The following MROH7 variants were observed in gnomAD, a reference collection of about 807,000 sequenced individuals.
MROH7 encodes maestro heat like repeat family member 7.
A neutral mutation model predicts 129.2 loss-of-function variants in MROH7; 113 were observed. That is an observed-to-expected ratio of 0.87 (90% confidence interval 0.75 to 1.02). The LOEUF (loss-of-function observed/expected upper bound fraction) is 1.02, where lower values mean the gene tolerates loss of function less well. Ranked by LOEUF, MROH7 falls within the 50% of genes least tolerant of loss-of-function variation. The probability of loss-of-function intolerance (pLI) is 0.00; values close to 1 mark genes in which losing one functional copy is unlikely to be tolerated. For synonymous variants in MROH7, 655 were observed against 667.9 expected (o/e 0.98, Z 0.30); for missense variants, 1,601 against 1,671.3 (o/e 0.96, Z 0.73).
chr1:54,702,813 CTCT>C, intron 21 of MROH7, 68 bp downstream of exon 21: 1 of 1,512,988 alleles, frequency 6.6e-7, no homozygotes. Flanking sequence ...CTGTGTCTCT[CTCT>C]TCCTTCTTTT....
chr1:54,692,183 G>T (rs1238943916), intron 15 of MROH7, among the ~76,000 whole-genome samples: 2 of 152,202 alleles, frequency 1.3e-5, no homozygotes, highest in Non-Finnish European at 2.9e-5. Context: ...GAGAGAGGCT[G>T]GTCCCAGAGG....
In MROH7 at chr1:54,699,588, C is replaced by T. The variant is rs569739615; in HGVS notation, c.2965-733C>T. On this transcript the variant is annotated intron_variant, in intron 17 of 23. Transcript: ENST00000421030. ...AGCTGGGATTACAGGCATGAGCCAC[C>T]GTGCCCGGCCCAAGCCAAGATTCAT... The T allele has an allele frequency of 2.0e-3, 312 of 155,260 alleles. 1 individual carries two copies. Among genetic ancestry groups the T allele is most frequent in the Non-Finnish European group, 3.0e-3 (208 of 69,934 alleles). 9.6% of individuals were successfully genotyped at this position (155,260 alleles called of 1,614,324 possible).
intron 15 of MROH7, among the ~76,000 whole-genome samples, chr1:54,689,361 A>G (rs1037902342): frequency 6.6e-6 from 1 of 152,148 alleles, no homozygotes; most frequent in South Asian, 2.1e-4. Flanking sequence ...CCCTGCTGAC[A>G]CCTTAATTTT....
At chr1:54,659,417 G>A (rs1644698114) in intron 3 of MROH7, among the ~76,000 whole-genome samples, 1 of 150,844 alleles carries the variant, frequency 6.6e-6, no homozygotes, top group Admixed American at 6.6e-5. Context: ...TGAGTAGCTG[G>A]GATTACAGGT....
intron 4 of MROH7, among the ~76,000 whole-genome samples, chr1:54,668,027 A>C (rs1168861354): frequency 1.3e-5 from 2 of 152,234 alleles, no homozygotes; most frequent in African/African-American, 4.8e-5. Flanking sequence ...ATAGACTGAG[A>C]TCACTCAGTG....
At position 54,670,825 on chromosome 1, in the gene MROH7, C is replaced by A; in HGVS notation, c.1495C>A (p.Arg499=). ...LSHTQPTLGM[R]ERSELVNVCV... is the part of the protein sequence containing the mutation. ...CCACACCCAGCCCACCCTGGGCATGCGGGAGAGGTCGGAGCTGGTGAACGT... is the reference window on the plus strand; with the variant it reads ...CCACACCCAGCCCACCCTGGGCATGAGGGAGAGGTCGGAGCTGGTGAACGT... Residue 499 remains arginine, a synonymous_variant, in exon 7 of 24, where the codon CGG becomes AGG. Coordinates refer to ENST00000421030, the MANE Select transcript of MROH7 (RefSeq NM_001039464.4). 6.2e-7 allele frequency: 1 copy of A among 1,613,950 alleles called. No homozygotes were observed. Among genetic ancestry groups the A allele is most frequent in the East Asian group, 2.2e-5 (1 of 44,872 alleles).
chr1:54,695,989 C>A, intron 17 of MROH7: 1 of 235,656 alleles, frequency 4.2e-6, no homozygotes, highest in Non-Finnish European at 8.5e-6. Context: ...TGGGGAGGTG[C>A]TAGGGAGAGG....
intron 4 of MROH7, among the ~76,000 whole-genome samples, chr1:54,666,842 TGTG>T (rs1644822780): frequency 6.6e-6 from 1 of 152,190 alleles, no homozygotes; most frequent in Admixed American, 6.5e-5. Flanking sequence ...TCTGTTCAGA[TGTG>T]GTTACATTCT....
rs113229352 is a variant in MROH7, at chr1:54,661,999, G to T, written c.1232-3168G>T. Among the ~76,000 whole-genome samples, 981 of 149,748 alleles carry T rather than the reference G, an allele frequency of 6.6e-3. 18 individuals are homozygous for T. Among genetic ancestry groups the T allele is most frequent in the African/African-American group, 0.023 (922 of 40,794 alleles). The stretch of plus-strand genomic sequence containing the variant: ...TTTGGGAGGCCGAGGCAGGAATATT[G>T]CTTGAACCCAGGAGTTTGCAACCAG... On this transcript the variant is annotated intron_variant, in intron 3 of 23. Coordinates refer to ENST00000421030, the MANE Select transcript of MROH7 (RefSeq NM_001039464.4).
At chr1:54,692,339 G>A in intron 15 of MROH7, 85 bp from the exon 16 acceptor site, 2 of 1,552,556 alleles carry the variant, frequency 1.3e-6, no homozygotes, top group Non-Finnish European at 1.8e-6. Flanking sequence ...TGTCGGGCCA[G>A]ATGGCAGGAG....
At chr1:54,701,049 G>A in intron 18 of MROH7, 94 bp from the exon 19 acceptor site, 3 of 1,385,124 alleles carry the variant, frequency 2.2e-6, no homozygotes, top group Non-Finnish European at 3.0e-6. Context: ...TGGGGATTGG[G>A]CCACCAAGTT....
At position 54,679,935 on chromosome 1, in the gene MROH7, C is replaced by T. The variant is rs757670480; in HGVS notation, c.2271C>T (p.Ile757=). 6.2e-7 allele frequency: 1 copy of T among 1,613,718 alleles called. No individual in the cohort carries two copies. The highest frequency in any genetic ancestry group is 8.5e-7 in the Non-Finnish European group (1 of 1,179,946). The change falls in exon 13 of 24, where the codon ATC becomes ATT. Residue 757 remains isoleucine (I), a synonymous_variant. Transcript: ENST00000421030. ...MQGIYMQLSH[I]QEPRARQVAL... The stretch of plus-strand genomic sequence containing the variant: ...GCATCTACATGCAGCTGAGCCACAT[C>T]CAGGAGCCTCGGGCCCGCCAGGTGG...
intron 10 of MROH7, among the ~76,000 whole-genome samples, chr1:54,675,508 A>T (rs974726255): frequency 6.6e-6 from 1 of 151,896 alleles, no homozygotes; most frequent in African/African-American, 2.4e-5. Context: ...ACATCTCTGG[A>T]GGATGGATGA....
chr1:54,677,331 G>A (rs543639454), intron 10 of MROH7, among the ~76,000 whole-genome samples: 5 of 152,306 alleles, frequency 3.3e-5, no homozygotes, highest in Admixed American at 1.3e-4. Context: ...CCCAGGAGGC[G>A]GAGGTTGCAG....
chr1:54,706,342 G>T, intron 21 of MROH7, 93 bp from the exon 22 acceptor site: 3 of 874,230 alleles, frequency 3.4e-6, no homozygotes, highest in South Asian at 1.4e-5. Flanking sequence ...GGGAGGCAGG[G>T]GGTGAGGGTC....
At chr1:54,706,647 G>C in intron 22 of MROH7, 110 bp downstream of exon 22, 2 of 778,702 alleles carry the variant, frequency 2.6e-6, no homozygotes. Context: ...GCTTCCCTTT[G>C]GGTGCAAGGC....
chr1:54,660,824 A>G (rs1644720726), intron 3 of MROH7, among the ~76,000 whole-genome samples: 1 of 152,166 alleles, frequency 6.6e-6, no homozygotes, highest in African/African-American at 2.4e-5. Flanking sequence ...TCCAGAAAAA[A>G]AAGAAAAAAG....
intron 10 of MROH7, among the ~76,000 whole-genome samples, chr1:54,675,671 C>T (rs1644969165): frequency 1.3e-5 from 2 of 151,610 alleles, no homozygotes; most frequent in Non-Finnish European, 2.9e-5. Context: ...GATCTCGGCT[C>T]ACTGCAGCCT....
intron 5 of MROH7, among the ~76,000 whole-genome samples, chr1:54,669,350 T>C (rs527901766): frequency 1.3e-5 from 2 of 152,200 alleles, no homozygotes; most frequent in Non-Finnish European, 2.9e-5. Context: ...TCCACCAGAA[T>C]GGACTGGGCA....
Sources: allele counts gnomAD v4.1 joint callset (sites outside exome capture counted in the v4.1 genomes callset), GRCh38; gene constraint gnomAD v4.1.1; transcripts MANE v1.5; gene names NCBI Gene and HGNC (gene_info 2026-07-23, HGNC 2026-07-21).